CARMIL1: variants seen among roughly 807,000 people sequenced by gnomAD.
CARMIL1 encodes capping protein regulator and myosin 1 linker 1, also known as F-actin-uncapping protein LRRC16A.
Under a neutral mutation model 177.1 loss-of-function variants are expected in CARMIL1, and 90 were observed. That is an observed-to-expected ratio of 0.51 (90% CI 0.43 to 0.61). The LOEUF (loss-of-function observed/expected upper bound fraction) is 0.61. CARMIL1 is among the 20% of genes least tolerant of loss of function. CARMIL1 has a pLI of 0.00. For missense variants in CARMIL1, 1,380 were observed against 1,667.0 expected (o/e 0.83, Z 3.00); for synonymous variants, 577 against 606.2 (o/e 0.95, Z 0.71).
intron 12 of CARMIL1, among the ~76,000 whole-genome samples, chr6:25,487,595 A>G (rs908261866): frequency 3.9e-5 from 6 of 152,208 alleles, no homozygotes; most frequent in African/African-American, 1.4e-4. Context: ...CATTCCCATT[A>G]TGCTAAGTAA....
intron 2 of CARMIL1, among the ~76,000 whole-genome samples, chr6:25,392,410 G>A (rs1792954766): frequency 6.6e-6 from 1 of 152,002 alleles, no homozygotes; most frequent in African/African-American, 2.4e-5. Flanking sequence ...TTCCCAGTTG[G>A]CTCAGAGGAA....
chr6:25,374,982 A>G (rs1200274582), intron 2 of CARMIL1, among the ~76,000 whole-genome samples: 1 of 152,184 alleles, frequency 6.6e-6, no homozygotes, highest in East Asian at 1.9e-4. Flanking sequence ...CTGCCAAAGT[A>G]TATCTTTTAA....
At chr6:25,416,137 C>T (rs527481683) in intron 2 of CARMIL1, among the ~76,000 whole-genome samples, 110 of 152,280 alleles carry the variant, frequency 7.2e-4, no homozygotes, top group Non-Finnish European at 1.3e-3. Flanking sequence ...CAGAAGGAGA[C>T]ACGCAGACCA....
intron 4 of CARMIL1, among the ~76,000 whole-genome samples, chr6:25,429,971 G>A (rs1171618061): frequency 6.6e-6 from 1 of 151,642 alleles, no homozygotes; most frequent in Non-Finnish European, 1.5e-5. Flanking sequence ...TCAGCCTCCC[G>A]AATAGCTGGG....
At chr6:25,329,165 ATATT>A (rs1238021242) in intron 2 of CARMIL1, among the ~76,000 whole-genome samples, 1 of 152,188 alleles carries the variant, frequency 6.6e-6, no homozygotes, top group Non-Finnish European at 1.5e-5. Flanking sequence ...TTGGTTCCCA[ATATT>A]TATAAATTGG....
chr6:25,536,790 G>A (rs953822387), intron 24 of CARMIL1, among the ~76,000 whole-genome samples: 8 of 152,080 alleles, frequency 5.3e-5, no homozygotes, highest in South Asian at 2.1e-4. Context: ...GCTTCCTATC[G>A]TTATGATATC....
intron 2 of CARMIL1, among the ~76,000 whole-genome samples, chr6:25,293,170 C>T (rs1380562919): frequency 2.0e-5 from 3 of 149,378 alleles, no homozygotes; most frequent in African/African-American, 2.5e-5. Context: ...TAAATCTTTA[C>T]GTTACTGTGT....
intron 2 of CARMIL1, among the ~76,000 whole-genome samples, chr6:25,319,171 A>G (rs1000007408): frequency 1.1e-4 from 16 of 152,352 alleles, no homozygotes; most frequent in African/African-American, 3.1e-4. Flanking sequence ...TTACATGTCG[A>G]GTAAATTAAT....
chr6:25,391,737 C>A (rs1348517684), intron 2 of CARMIL1, among the ~76,000 whole-genome samples: 1 of 152,182 alleles, frequency 6.6e-6, no homozygotes, highest in Admixed American at 6.5e-5. Context: ...TAGTGGTGAA[C>A]ATAGCAATAC....
At chr6:25,605,437 TGA>T (rs1457249292) in intron 34 of CARMIL1, among the ~76,000 whole-genome samples, 4 of 152,354 alleles carry the variant, frequency 2.6e-5, no homozygotes, top group Admixed American at 6.5e-5. Context: ...CTTTGCTATT[TGA>T]GAGTCTTATG....
At chr6:25,350,096 G>A (rs181952246) in intron 2 of CARMIL1, among the ~76,000 whole-genome samples, 60 of 152,288 alleles carry the variant, frequency 3.9e-4, no homozygotes, top group Admixed American at 2.9e-3. Flanking sequence ...AAGCCACCTC[G>A]CCTTGTCTGG....
intron 4 of CARMIL1, among the ~76,000 whole-genome samples, chr6:25,428,931 T>C (rs1796496920): frequency 6.6e-6 from 1 of 152,238 alleles, no homozygotes. Context: ...CTTTTAAAAA[T>C]AGACTTCATC....
intron 2 of CARMIL1, among the ~76,000 whole-genome samples, chr6:25,361,310 G>T (rs1288460409): frequency 6.6e-6 from 1 of 151,996 alleles, no homozygotes; most frequent in Non-Finnish European, 1.5e-5. Context: ...GGTCTTGATG[G>T]GTCTGTGAAT....
At chr6:25,520,767 A>G (rs1020302375) in intron 23 of CARMIL1, among the ~76,000 whole-genome samples, 6 of 152,144 alleles carry the variant, frequency 3.9e-5, no homozygotes, top group African/African-American at 1.4e-4. Context: ...CTATAAATGT[A>G]TGTAAATCTA....
At chr6:25,579,768 C>T (rs1812963830) in intron 29 of CARMIL1, among the ~76,000 whole-genome samples, 1 of 152,094 alleles carries the variant, frequency 6.6e-6, no homozygotes, top group Non-Finnish European at 1.5e-5. Context: ...TCCCTTTTCT[C>T]TCAACAATAA....
chr6:25,555,382 T>C (rs1391912094), intron 28 of CARMIL1, among the ~76,000 whole-genome samples: 2 of 150,266 alleles, frequency 1.3e-5, no homozygotes, highest in East Asian at 2.0e-4. Flanking sequence ...AGCAATAGAG[T>C]ATTCATTCAT....
intron 2 of CARMIL1, among the ~76,000 whole-genome samples, chr6:25,322,490 A>G (rs1414234977): frequency 6.6e-6 from 1 of 152,232 alleles, no homozygotes; most frequent in Non-Finnish European, 1.5e-5. Context: ...ACACATACAA[A>G]CACACATATG....
intron 8 of CARMIL1, among the ~76,000 whole-genome samples, chr6:25,450,972 T>C (rs1251632100): frequency 0.11 from 372 of 3,328 alleles, 36 homozygotes; most frequent in East Asian, 0.33. Context: ...CTCTCTTCTC[T>C]TCTCCTCTCC....
intron 2 of CARMIL1, among the ~76,000 whole-genome samples, chr6:25,407,102 C>T (rs13217807): frequency 0.14 from 22,040 of 152,002 alleles, 2,029 homozygotes; most frequent in East Asian, 0.21. Context: ...ATTGGCACCT[C>T]AAGCAGGAGA....
Sources: allele counts gnomAD v4.1 joint callset (sites outside exome capture counted in the v4.1 genomes callset), GRCh38; gene constraint gnomAD v4.1.1; transcripts MANE v1.5; gene names NCBI Gene and HGNC (gene_info 2026-07-23, HGNC 2026-07-21).